The following ARB2A variants were observed in gnomAD, a reference collection of about 807,000 sequenced individuals.
The protein encoded by ARB2A is cotranscriptional regulator ARB2A.
the ARB2A span, among the ~76,000 whole-genome samples, chr5:93,744,171 T>C: frequency 2.6e-5 from 4 of 151,974 alleles, no homozygotes; most frequent in Non-Finnish European, 5.9e-5. Flanking sequence ...GCACGGTGGC[T>C]CACACCTGTA....
chr5:94,040,330 T>C, the ARB2A span, among the ~76,000 whole-genome samples: 9 of 151,564 alleles, frequency 5.9e-5, no homozygotes, highest in Non-Finnish European at 1.3e-4. Flanking sequence ...GATCCCTTCT[T>C]GACTGACAAG....
the ARB2A span, among the ~76,000 whole-genome samples, chr5:93,874,173 C>A: frequency 6.6e-6 from 1 of 152,136 alleles, no homozygotes; most frequent in Non-Finnish European, 1.5e-5. Flanking sequence ...CAATGTTGTA[C>A]TGTAATACGA....
the ARB2A span, among the ~76,000 whole-genome samples, chr5:93,835,974 A>G: frequency 2.6e-5 from 4 of 152,328 alleles, no homozygotes; most frequent in East Asian, 7.7e-4. Flanking sequence ...GAGGATGCAA[A>G]AATGTAAGTT....
At chr5:94,028,777 A>G in the ARB2A span, among the ~76,000 whole-genome samples, 1 of 152,334 alleles carries the variant, frequency 6.6e-6, no homozygotes, top group Admixed American at 6.5e-5. Flanking sequence ...TTTTTAAAGA[A>G]GCATTTAGAA....
At chr5:93,634,573 A>G in the ARB2A span, among the ~76,000 whole-genome samples, 2 of 152,164 alleles carry the variant, frequency 1.3e-5, no homozygotes, top group South Asian at 4.1e-4. Flanking sequence ...GATCCTCCAG[A>G]TCTCTTTAGC....
chr5:93,703,512 C>T, the ARB2A span, among the ~76,000 whole-genome samples: 1 of 152,208 alleles, frequency 6.6e-6, no homozygotes, highest in Non-Finnish European at 1.5e-5. Context: ...AAATAGCTAA[C>T]TTAATGCTTT....
chr5:94,004,649 G>A, the ARB2A span, among the ~76,000 whole-genome samples: 5 of 151,752 alleles, frequency 3.3e-5, no homozygotes, highest in Admixed American at 3.3e-4. Flanking sequence ...ACAAGTTATA[G>A]GCTGGGAGAA....
At chr5:94,017,440 T>A in the ARB2A span, among the ~76,000 whole-genome samples, 2 of 152,170 alleles carry the variant, frequency 1.3e-5, no homozygotes, top group African/African-American at 4.8e-5. Flanking sequence ...GATAAAAGTT[T>A]GGATAAGAAT....
chr5:93,694,326 C>T, the ARB2A span, among the ~76,000 whole-genome samples: 1 of 152,168 alleles, frequency 6.6e-6, no homozygotes, highest in South Asian at 2.1e-4. Context: ...AGCTGATAAG[C>T]AACTTCAGCA....
chr5:94,000,432 CAT>C, the ARB2A span, among the ~76,000 whole-genome samples: 5 of 151,958 alleles, frequency 3.3e-5, no homozygotes, highest in Non-Finnish European at 7.4e-5. Context: ...AACATCTTTT[CAT>C]ATGTTTATTT....
chr5:93,656,436 G>A, the ARB2A span, among the ~76,000 whole-genome samples: 2 of 152,050 alleles, frequency 1.3e-5, no homozygotes, highest in African/African-American at 4.8e-5. Context: ...GGAAATAGAG[G>A]AAACATAATT....
the ARB2A span, among the ~76,000 whole-genome samples, chr5:93,664,307 C>T: frequency 1.3e-5 from 2 of 152,088 alleles, no homozygotes; most frequent in Non-Finnish European, 1.5e-5. Context: ...TCTCAAACTC[C>T]TGGCCTCAAG....
At chr5:93,656,933 A>G in the ARB2A span, among the ~76,000 whole-genome samples, 1 of 152,100 alleles carries the variant, frequency 6.6e-6, no homozygotes, top group East Asian at 1.9e-4. Flanking sequence ...TCATTTTTCC[A>G]TGCTGTCCTC....
At chr5:93,647,857 T>C in the ARB2A span, among the ~76,000 whole-genome samples, 1 of 152,132 alleles carries the variant, frequency 6.6e-6, no homozygotes, top group Non-Finnish European at 1.5e-5. Context: ...TAAGATTTAA[T>C]AGATGCCAGG....
chr5:93,733,701 C>A, the ARB2A span: 1 of 152,150 alleles, frequency 6.6e-6, no homozygotes, highest in Non-Finnish European at 1.5e-5. Context: ...AATTGGCCAC[C>A]TAAATCTTTA....
chr5:93,964,365 C>G, the ARB2A span: 1 of 934,648 alleles, frequency 1.1e-6, no homozygotes, highest in East Asian at 2.7e-5. Flanking sequence ...TCACAGTCAA[C>G]CCAAAACAAA....
chr5:93,833,879 G>A, the ARB2A span, among the ~76,000 whole-genome samples: 1 of 152,132 alleles, frequency 6.6e-6, no homozygotes, highest in East Asian at 1.9e-4. Flanking sequence ...GTGCAAGTTT[G>A]ATACATGAGT....
the ARB2A span, among the ~76,000 whole-genome samples, chr5:93,921,297 T>C: frequency 6.6e-6 from 1 of 152,106 alleles, no homozygotes; most frequent in South Asian, 2.1e-4. Context: ...AGGATTGCTA[T>C]AAGAAAGACA....
At chr5:93,996,228 C>A in the ARB2A span, among the ~76,000 whole-genome samples, 1 of 152,050 alleles carries the variant, frequency 6.6e-6, no homozygotes, top group Non-Finnish European at 1.5e-5. Flanking sequence ...CACATACATA[C>A]ACATGCACAA....
Sources: gnomAD v4.1 joint callset for allele counts (sites outside exome capture counted in the v4.1 genomes callset) on GRCh38, gnomAD v4.1.1 for gene constraint, MANE v1.5 for transcripts, NCBI Gene and HGNC (gene_info 2026-07-23, HGNC 2026-07-21) for gene names.